MMP26: variants seen among roughly 807,000 people sequenced by gnomAD.
The protein encoded by MMP26 is matrix metalloproteinase-26.
MMP26 carries 33 observed loss-of-function variants against 31.0 expected under a neutral mutation model. The observed-to-expected ratio is 1.06, with a 90% CI of 0.81 to 1.42. MMP26 has a LOEUF of 1.42. MMP26 is among the 40% of genes most tolerant of loss of function. The pLI is 0.00. For synonymous variants in MMP26, 122 were observed against 114.9 expected (o/e 1.06, Z -0.40); for missense variants, 347 against 316.1 (o/e 1.10, Z -0.74).
rs769821366 is a variant in MMP26 at position 4,804,453 on chromosome 11, A to G, written c.-145+37112A>G. On this transcript the variant is annotated intron_variant, in intron 2 of 7. Coordinates refer to ENST00000380390, the MANE Select transcript of MMP26 (RefSeq NM_021801.5). Reference sequence around the variant, plus strand: ...GATGATAACAATCAAAACAAGTGTTATTATTATATACAAGGCTTTTGGATG... The same window carrying G: ...GATGATAACAATCAAAACAAGTGTTGTTATTATATACAAGGCTTTTGGATG... 78 of 1,172,100 alleles carry G rather than the reference A, an allele frequency of 6.7e-5. No homozygotes were observed. In the East Asian group the frequency reaches 1.4e-3, roughly 20 times the overall value. The allele number at this position is 1,172,100 out of a possible 1,614,324, so 72.6% of individuals were successfully genotyped here. A position where few individuals can be genotyped will look rare whatever the true frequency, so the allele number is the denominator to read the frequency against.
chr11:4,926,181 A>G (rs939199514), intron 2 of MMP26, among the ~76,000 whole-genome samples: 2 of 152,142 alleles, frequency 1.3e-5, no homozygotes, highest in African/African-American at 2.4e-5. Flanking sequence ...ACAATTTAAT[A>G]TAAGAATAAA....
At chr11:4,721,171 C>T (rs1215061867) in intron 1 of MMP26, among the ~76,000 whole-genome samples, 1 of 152,124 alleles carries the variant, frequency 6.6e-6, no homozygotes, top group Non-Finnish European at 1.5e-5. Context: ...GGATTTGGAG[C>T]TGAGAAAGCC....
At chr11:4,714,245 A>G (rs1253071335) in intron 1 of MMP26, among the ~76,000 whole-genome samples, 1 of 152,194 alleles carries the variant, frequency 6.6e-6, no homozygotes, top group Non-Finnish European at 1.5e-5. Context: ...CCTAAGGAAA[A>G]TTGTGGAAAT....
chr11:4,821,230 A>G, intron 2 of MMP26: 2 of 649,786 alleles, frequency 3.1e-6, no homozygotes, highest in East Asian at 2.7e-5. Flanking sequence ...TTCTCAATAA[A>G]TGTGAAACAC....
intron 2 of MMP26, among the ~76,000 whole-genome samples, chr11:4,956,979 A>G (rs1455604565): frequency 6.6e-6 from 1 of 152,222 alleles, no homozygotes; most frequent in Non-Finnish European, 1.5e-5. Flanking sequence ...TTATATCATT[A>G]TCTTCATTTT....
In MMP26 at chr11:4,988,053, C is replaced by G. The variant is rs913631387; in HGVS notation, c.-144-15C>G. The stretch of plus-strand genomic sequence containing the variant: ...TTTTGTCACCCTTGCATGCTGGTCA[C>G]TCTGCCCTCAGCAGGTATGGATGAT... On this transcript the variant is annotated splice_polypyrimidine_tract_variant and intron_variant, in intron 2 of 7. Coordinates refer to ENST00000380390, the MANE Select transcript of MMP26 (RefSeq NM_021801.5). The G allele has an allele frequency of 3.2e-4, 221 of 687,716 alleles. No individual in the cohort carries two copies. The highest frequency in any genetic ancestry group is 1.2e-3 in the Middle Eastern group (3 of 2,556). 42.6% of individuals were successfully genotyped at this position (687,716 alleles called of 1,614,324 possible). A position where few individuals can be genotyped will look rare whatever the true frequency, so the allele number is the denominator to read the frequency against.
Position 4,974,968 on chromosome 11 carries a change from G to GGCCGGT in MMP26, c.-144-13099_-144-13098insCCGGTG, listed in dbSNP as rs1157579433. ...GGGGCCTGTCAGGGGTTGAGGTGGGGGGAGGGAGAGTATTAGGAGAAATAG... is the reference window on the plus strand; with the variant it reads ...GGGGCCTGTCAGGGGTTGAGGTGGGGGCCGGTGGAGGGAGAGTATTAGGAGAAATAG... On this transcript the variant is annotated intron_variant, in intron 2 of 7. Coordinates refer to ENST00000380390, the MANE Select transcript of MMP26 (RefSeq NM_021801.5). 1.8e-4 allele frequency among the ~76,000 whole-genome samples: 28 copies of GGCCGGT among 152,076 alleles called. 1 individual carries two copies. The highest frequency in any genetic ancestry group is 6.8e-4 in the African/African-American group (28 of 41,402).
chr11:4,849,258 G>A, intron 2 of MMP26: 1 of 1,547,476 alleles, frequency 6.5e-7, no homozygotes, highest in Middle Eastern at 2.4e-4. Context: ...GATTAGAAAG[G>A]TTTACTTAAT....
intron 2 of MMP26, among the ~76,000 whole-genome samples, chr11:4,862,955 C>T (rs1056399950): frequency 6.6e-6 from 1 of 152,104 alleles, no homozygotes; most frequent in Admixed American, 6.6e-5. Context: ...TTTTGTTTTT[C>T]TTTAAATGTC....
intron 2 of MMP26, chr11:4,821,967 C>T: frequency 6.2e-7 from 1 of 1,614,008 alleles, no homozygotes; most frequent in Non-Finnish European, 8.5e-7. Flanking sequence ...CTTACTGCTA[C>T]CATGTTGATC....
chr11:4,761,277 G>A (rs1848566298), intron 1 of MMP26, among the ~76,000 whole-genome samples: 2 of 152,254 alleles, frequency 1.3e-5, no homozygotes, highest in South Asian at 2.1e-4. Context: ...AGTCATCAAG[G>A]GCATTTATTA....
chr11:4,906,250 G>C (rs188006539), intron 2 of MMP26, among the ~76,000 whole-genome samples: 4 of 152,226 alleles, frequency 2.6e-5, no homozygotes, highest in African/African-American at 9.6e-5. Context: ...TGTTCTATTG[G>C]AAACTACTGT....
In MMP26 at chr11:4,907,329, A is replaced by G. The variant is rs367579428; in HGVS notation, c.-144-80739A>G. The G allele has an allele frequency of 3.5e-5, 48 of 1,358,082 alleles. No individual in the cohort carries two copies. In the African/African-American group the frequency reaches 6.2e-4, roughly 18 times the overall value. The allele number at this position is 1,358,082 out of a possible 1,614,324, so 84.1% of individuals were successfully genotyped here. A position where few individuals can be genotyped will look rare whatever the true frequency, so the allele number is the denominator to read the frequency against. ...AAAAGCATGACTGCTTTTCATTTAT[A>G]TGGTTTCAGATCCGGCTAACGAGCT... is the stretch of plus-strand genomic sequence containing the variant. On this transcript the variant is annotated intron_variant, in intron 2 of 7. Coordinates refer to ENST00000380390, the MANE Select transcript of MMP26 (RefSeq NM_021801.5).
At chr11:4,848,387 T>A in intron 2 of MMP26, 3 of 1,614,022 alleles carry the variant, frequency 1.9e-6, no homozygotes, top group Non-Finnish European at 2.5e-6. Context: ...GCTGAGTGAT[T>A]GGCAGCTCAG....
chr11:4,958,356 C>T (rs1386840875), intron 2 of MMP26, among the ~76,000 whole-genome samples: 2 of 152,114 alleles, frequency 1.3e-5, no homozygotes, highest in Non-Finnish European at 2.9e-5. Context: ...TTATTTTTTG[C>T]TTCTTTCTAG....
intron 2 of MMP26, among the ~76,000 whole-genome samples, chr11:4,794,630 C>T (rs1849080139): frequency 6.6e-6 from 1 of 151,990 alleles, no homozygotes; most frequent in South Asian, 2.1e-4. Flanking sequence ...GACCTATGAC[C>T]CAGGCGGTTA....
In MMP26 at chr11:4,952,269, A is replaced by G. The variant is rs966879618; in HGVS notation, c.-144-35799A>G. Among the ~76,000 whole-genome samples, 7 of 125,132 alleles carry G rather than the reference A, an allele frequency of 5.6e-5. 2 individuals are homozygous for G. The highest frequency in any genetic ancestry group is 1.3e-4 in the Non-Finnish European group (7 of 55,164). The allele number at this position is 125,132 out of a possible 152,430, so 82.1% of individuals were successfully genotyped here. A position where few individuals can be genotyped will look rare whatever the true frequency, so the allele number is the denominator to read the frequency against. On this transcript the variant is annotated intron_variant, in intron 2 of 7. Transcript: ENST00000380390. ...AGACTCTTGAATGAGACATCTATGT[A>G]CAATATCCTGAAAGAATAAGATGCT... is the stretch of plus-strand genomic sequence containing the variant.
At chr11:4,715,202 A>G (rs1847912525) in intron 1 of MMP26, among the ~76,000 whole-genome samples, 1 of 152,158 alleles carries the variant, frequency 6.6e-6, no homozygotes, top group Non-Finnish European at 1.5e-5. Flanking sequence ...TGAAAAAACA[A>G]TGAACTACCT....
At chr11:4,983,971 A>T (rs959493292) in intron 2 of MMP26, among the ~76,000 whole-genome samples, 1 of 152,208 alleles carries the variant, frequency 6.6e-6, no homozygotes, top group Admixed American at 6.5e-5. Context: ...TTCCCTTATC[A>T]GCAGCTGAAT....
Sources: allele counts gnomAD v4.1 joint callset (sites outside exome capture counted in the v4.1 genomes callset), GRCh38; gene constraint gnomAD v4.1.1; transcripts MANE v1.5; gene names NCBI Gene and HGNC (gene_info 2026-07-23, HGNC 2026-07-21).